The following MED22 variants were observed in gnomAD, a reference collection of about 807,000 sequenced individuals.
MED22 encodes mediator of RNA polymerase II transcription subunit 22.
Under a neutral mutation model 22.7 loss-of-function variants are expected in MED22, and 22 were observed. That is an observed-to-expected ratio of 0.97 (90% confidence interval 0.69 to 1.38). The LOEUF is 1.38. Among genes scored for constraint, MED22 ranks in the 40% most tolerant of loss-of-function variants. The pLI is 0.00. For synonymous variants in MED22, 134 were observed against 119.4 expected, an observed-to-expected ratio of 1.12 and a Z score of -0.80; for missense variants, 247 against 263.0, an observed-to-expected ratio of 0.94 and a Z score of 0.42.
intron 1 of MED22, chr9:133,347,511 G>C (rs2129972123): frequency 1.3e-5 from 2 of 151,782 alleles, no homozygotes; most frequent in Non-Finnish European, 2.9e-5. Flanking sequence ...GGGAGACTAC[G>C]TCTCCAAAAG....
In MED22 at chr9:133,339,443, T is replaced by A; in HGVS notation, c.*2062A>T. ...AAGGAGCCTGAGCTGCTGGAACCTC[T>A]TCCCTATGAATTCATGGCATCGTGG... On this transcript the variant is annotated 3_prime_UTR_variant, in exon 5 of 5. Transcript: ENST00000343730. 1 of 772,948 alleles carries A rather than the reference T, an allele frequency of 1.3e-6. No homozygotes were observed. Among genetic ancestry groups the A allele is most frequent in the Non-Finnish European group, 2.4e-6 (1 of 425,226 alleles). 47.9% of individuals were successfully genotyped at this position (772,948 alleles called of 1,614,324 possible).
Position 133,346,686 on chromosome 9 carries a change from G to T in MED22, c.-24C>A. On this transcript the variant is annotated 5_prime_UTR_variant, in exon 2 of 5. Transcript: ENST00000343730. ...ATGGCCGAGCCTCAAGCAGCGCAGCGGGGAGACCTGGGACCTAGAGTGCAG... is the reference window on the plus strand; with the variant it reads ...ATGGCCGAGCCTCAAGCAGCGCAGCTGGGAGACCTGGGACCTAGAGTGCAG... The T allele has an allele frequency of 2.5e-6, 4 of 1,607,688 alleles. No homozygotes were observed. The highest frequency in any genetic ancestry group is 3.4e-6 in the Non-Finnish European group (4 of 1,179,538).
intron 3 of MED22, 54 bp from the exon 4 acceptor site, chr9:133,344,387 C>A: frequency 1.3e-6 from 2 of 1,588,054 alleles, no homozygotes; most frequent in Non-Finnish European, 8.6e-7. Context: ...AGCGGCCTTG[C>A]CTACAAGTAG....
chr9:133,343,714 C>T (rs1170420669), intron 4 of MED22: 6 of 1,294,566 alleles, frequency 4.6e-6, no homozygotes, highest in Non-Finnish European at 5.9e-6. Flanking sequence ...GTGGACCTGA[C>T]TGCCCAAAAA....
In MED22 at chr9:133,341,706, C is replaced by G; in HGVS notation, c.414-12G>C. On this transcript the variant is annotated splice_polypyrimidine_tract_variant and intron_variant, in intron 4 of 4. Transcript: ENST00000343730. The stretch of plus-strand genomic sequence containing the variant: ...CGCAAAGGCTTGAGCTTTTCCACCA[C>G]CAGAAACCCCAGGGAGAGACAGGAG... 1 of 1,603,904 alleles carries G rather than the reference C, an allele frequency of 6.2e-7. No homozygotes were observed. Among genetic ancestry groups the G allele is most frequent in the Non-Finnish European group, 8.5e-7 (1 of 1,175,680 alleles).
intron 1 of MED22, 126 bp from the exon 2 acceptor site, chr9:133,346,826 AAC>A: frequency 1.2e-6 from 1 of 855,848 alleles, no homozygotes; most frequent in Non-Finnish European, 1.7e-6. Context: ...CAATCACTGA[AAC>A]ACAGATGAAC....
rs1168075462 is a variant in MED22 at position 133,341,636 on chromosome 9, G to A, written c.472C>T (p.Leu158Phe). ...AGGCCATCAGCAGAGTCTGTGTCGA[G>A]GTCCAGCCTCCCGTAAGCTTCGCAC... is the stretch of plus-strand genomic sequence containing the variant. ...PLCEAYGRLD[L>F]DTDSADGLSA... Residue 158 changes from leucine to phenylalanine, a missense_variant, in exon 5 of 5, where the codon CTC becomes TTC. Physicochemically the swap from Leu to Phe is conservative, Grantham distance 22 (BLOSUM62 0). Coordinates refer to ENST00000343730, the MANE Select transcript of MED22 (RefSeq NM_133640.5). The A allele has an allele frequency of 1.9e-6, 3 of 1,605,782 alleles. No individual in the cohort carries two copies. Among genetic ancestry groups the A allele is most frequent in the South Asian group, 2.2e-5 (2 of 89,794 alleles).
rs1166557911 is a variant in MED22, at chr9:133,340,712, CACAGGTGCCT to C, written c.*783_*792del. On this transcript the variant is annotated 3_prime_UTR_variant, in exon 5 of 5. Coordinates refer to ENST00000343730, the MANE Select transcript of MED22 (RefSeq NM_133640.5). ...AGTGAGGATGAGATGCCAGCAGAGGCACAGGTGCCTGGATGTGCAATGATGGCAGCAGGTC... is the reference window on the plus strand; with the variant it reads ...AGTGAGGATGAGATGCCAGCAGAGGCGGATGTGCAATGATGGCAGCAGGTC... 1 of 152,276 alleles carries C rather than the reference CACAGGTGCCT, an allele frequency of 6.6e-6. No individual in the cohort carries two copies. The allele number at this position is 152,276 out of a possible 1,614,324, so 9.4% of individuals were successfully genotyped here. A position where few individuals can be genotyped will look rare whatever the true frequency, so the allele number is the denominator to read the frequency against.
chr9:133,346,110 G>A (rs1468560592), intron 2 of MED22, among the ~76,000 whole-genome samples: 1 of 152,214 alleles, frequency 6.6e-6, no homozygotes, highest in Non-Finnish European at 1.5e-5. Context: ...CAGCAGCCAG[G>A]AGGGATCCAG....
At position 133,339,449 on chromosome 9, in the gene MED22, A is replaced by G. The variant is rs1835960068; in HGVS notation, c.*2056T>C. On this transcript the variant is annotated 3_prime_UTR_variant, in exon 5 of 5. Coordinates refer to ENST00000343730, the MANE Select transcript of MED22 (RefSeq NM_133640.5). ...CCTGAGCTGCTGGAACCTCTTCCCTATGAATTCATGGCATCGTGGGTGTTA... is the reference window on the plus strand; with the variant it reads ...CCTGAGCTGCTGGAACCTCTTCCCTGTGAATTCATGGCATCGTGGGTGTTA... 4.0e-6 allele frequency: 3 copies of G among 758,950 alleles called. No individual in the cohort carries two copies. Among genetic ancestry groups the G allele is most frequent in the Admixed American group, 1.7e-5 (1 of 57,164 alleles). The allele number at this position is 758,950 out of a possible 1,614,324, so 47.0% of individuals were successfully genotyped here.
chr9:133,348,120 C>A lies in MED22; in HGVS notation c.-237G>T. On this transcript the variant is annotated 5_prime_UTR_variant, in exon 1 of 5. Transcript: ENST00000343730. ...CTCTCGGCCCCGCCTCGATTTTTAG[C>A]TTTATAGGAATGCTGTTGCTTTAAA... 7.1e-7 allele frequency: 1 copy of A among 1,405,206 alleles called. No homozygotes were observed. The highest frequency in any genetic ancestry group is 1.0e-6 in the Non-Finnish European group (1 of 992,892). 87.0% of individuals were successfully genotyped at this position (1,405,206 alleles called of 1,614,324 possible).
intron 3 of MED22, among the ~76,000 whole-genome samples, chr9:133,344,788 C>T (rs2129962811): frequency 2.0e-5 from 3 of 152,244 alleles, no homozygotes; most frequent in Non-Finnish European, 2.9e-5. Context: ...TCCTGTGATC[C>T]GAAGGAATCC....
chr9:133,347,334 G>A (rs1836215757), intron 1 of MED22: 1 of 152,278 alleles, frequency 6.6e-6, no homozygotes, highest in African/African-American at 2.4e-5. Context: ...TGACCAACAT[G>A]GTGAAACCCC....
chr9:133,342,632 C>T lies in MED22; in HGVS notation c.414-938G>A, dbSNP rs2129954151. On this transcript the variant is annotated intron_variant, in intron 4 of 4. Transcript: ENST00000343730. The stretch of plus-strand genomic sequence containing the variant: ...AGAGGAAACTCGGCCAGGACCTGGT[C>T]GCTTAAAGGCAATGTACAGAGGAGG... The T allele has an allele frequency of 2.5e-5, 25 of 985,930 alleles. No homozygotes were observed. In the African/African-American group the frequency reaches 2.6e-4, roughly 10 times the overall value. The allele number at this position is 985,930 out of a possible 1,614,324, so 61.1% of individuals were successfully genotyped here. A position where few individuals can be genotyped will look rare whatever the true frequency, so the allele number is the denominator to read the frequency against.
At chr9:133,342,526 G>A in intron 4 of MED22, 2 of 986,694 alleles carry the variant, frequency 2.0e-6, no homozygotes, top group Non-Finnish European at 2.4e-6. Flanking sequence ...GGGCAGGCGA[G>A]CACAGAGGCG....
At position 133,341,180 on chromosome 9, in the gene MED22, A is replaced by G. The variant is rs939284097; in HGVS notation, c.*325T>C. ...GCTCGGGTCAGGACTCCCCGAAATC[A>G]GGCACCCTCCTGCCCCACTGCTGAG... On this transcript the variant is annotated 3_prime_UTR_variant, in exon 5 of 5. Transcript: ENST00000343730. 3 of 241,296 alleles carry G rather than the reference A, an allele frequency of 1.2e-5. No individual in the cohort carries two copies. The highest frequency in any genetic ancestry group is 2.6e-3 in the Middle Eastern group (2 of 762). The allele number at this position is 241,296 out of a possible 1,614,324, so 14.9% of individuals were successfully genotyped here. A position where few individuals can be genotyped will look rare whatever the true frequency, so the allele number is the denominator to read the frequency against.
At chr9:133,342,987 C>T in intron 4 of MED22, 2 of 986,182 alleles carry the variant, frequency 2.0e-6, no homozygotes, top group Non-Finnish European at 2.4e-6. Context: ...AAGGAGATGC[C>T]CAGAAGGGTC....
chr9:133,341,963 C>T (rs1161575738), intron 4 of MED22: 5 of 1,251,278 alleles, frequency 4.0e-6, no homozygotes, highest in Admixed American at 4.8e-5. Context: ...GCAGGCCCTT[C>T]CTGCCCAGCC....
rs2129961856 is a variant in MED22, at chr9:133,344,402, T to C, written c.205-69A>G. The C allele has an allele frequency of 6.4e-4, 987 of 1,536,832 alleles. 2 individuals are homozygous for C. The highest frequency in any genetic ancestry group is 9.6e-4 in the Middle Eastern group (5 of 5,208). ...AGCGGCCTTGCCTACAAGTAGCTGA[T>C]GCTGGGCAAGGGATGGCCTCTCTAG... On this transcript the variant is annotated intron_variant, in intron 3 of 4. Transcript: ENST00000343730.
Sources: gnomAD v4.1 joint callset for allele counts (sites outside exome capture counted in the v4.1 genomes callset) on GRCh38, gnomAD v4.1.1 for gene constraint, MANE v1.5 for transcripts, NCBI Gene and HGNC (gene_info 2026-07-23, HGNC 2026-07-21) for gene names.